The following TMCO5A variants were observed in gnomAD, a reference collection of about 807,000 sequenced individuals.
TMCO5A encodes transmembrane and coiled-coil domains 5A.
In TMCO5A, 34 loss-of-function variants were observed where a neutral mutation model predicts 42.3. The observed-to-expected ratio is 0.80, with a 90% CI of 0.61 to 1.07. The LOEUF (loss-of-function observed/expected upper bound fraction) is 1.07. TMCO5A is among the 50% of genes least tolerant of loss of function. The probability of loss-of-function intolerance (pLI) is 0.00; values close to 1 mark genes in which losing one functional copy is unlikely to be tolerated. For synonymous variants in TMCO5A, 131 were observed against 115.6 expected (o/e 1.13, Z -0.86); for missense variants, 357 against 327.9 (o/e 1.09, Z -0.69).
downstream of TMCO5A, among the ~76,000 whole-genome samples, chr15:37,969,381 C>T (rs932421584): frequency 1.3e-5 from 2 of 152,084 alleles, no homozygotes; most frequent in African/African-American, 4.8e-5. Flanking sequence ...CAGAGAAAAC[C>T]AAACCCTCTT....
downstream of TMCO5A, among the ~76,000 whole-genome samples, chr15:37,951,997 A>G (rs965349535): frequency 2.6e-5 from 4 of 152,130 alleles, no homozygotes; most frequent in Non-Finnish European, 5.9e-5. Flanking sequence ...GTGCTTCCCC[A>G]TTATAACAGA....
chr15:37,961,395 T>G (rs1890424399), intron 11 of TMCO5A, among the ~76,000 whole-genome samples: 1 of 152,180 alleles, frequency 6.6e-6, no homozygotes, highest in African/African-American at 2.4e-5. Context: ...GTTCCATTGG[T>G]CTATGTGCCT....
the TMCO5A span, among the ~76,000 whole-genome samples, chr15:37,973,157 CT>C: frequency 8.1e-3 from 1,130 of 139,674 alleles, 11 homozygotes; most frequent in South Asian, 0.048. Flanking sequence ...TCTTTTTTTC[CT>C]TTTTTTTTTT....
the TMCO5A span, among the ~76,000 whole-genome samples, chr15:37,999,106 G>A: frequency 0.02 from 3,102 of 152,120 alleles, 105 homozygotes; most frequent in African/African-American, 0.071. Flanking sequence ...GAGTTTCTCC[G>A]TGTTGGTCAG....
At chr15:37,983,492 T>C in the TMCO5A span, among the ~76,000 whole-genome samples, 2,134 of 152,196 alleles carry the variant, frequency 0.014, 43 homozygotes, top group African/African-American at 0.048. Flanking sequence ...CAGCCCAAGG[T>C]AGGGGAAAGT....
At chr15:38,003,254 T>TCTCTCTCTCTCTCTCTCTCTCCC in the TMCO5A span, among the ~76,000 whole-genome samples, 2 of 150,904 alleles carry the variant, frequency 1.3e-5, no homozygotes, top group African/African-American at 4.9e-5. Flanking sequence ...CTCTGTCTCC[T>TCTCTCTCTCTCTCTCTCTCTCCC]CCCATCACTC....
chr15:38,001,020 T>G, the TMCO5A span, among the ~76,000 whole-genome samples: 4 of 152,126 alleles, frequency 2.6e-5, no homozygotes, highest in African/African-American at 9.7e-5. Context: ...GTGCACTTGG[T>G]CTATAGTGCA....
the TMCO5A span, among the ~76,000 whole-genome samples, chr15:38,021,298 A>AGAGT: frequency 6.6e-6 from 1 of 152,232 alleles, no homozygotes; most frequent in Admixed American, 6.5e-5. Context: ...ATAACAAATG[A>AGAGT]GCACTAAGTT....
chr15:38,008,722 C>A, the TMCO5A span, among the ~76,000 whole-genome samples: 1 of 152,152 alleles, frequency 6.6e-6, no homozygotes, highest in African/African-American at 2.4e-5. Flanking sequence ...AATTTACCTC[C>A]AAATGAGGTT....
intron 11 of TMCO5A, among the ~76,000 whole-genome samples, chr15:37,963,662 C>T (rs745597251): frequency 2.6e-5 from 4 of 152,060 alleles, no homozygotes; most frequent in Non-Finnish European, 4.4e-5. Context: ...TGAAGTCCCC[C>T]ACTATTATCA....
chr15:37,935,047 A>G (rs1300489052), intron 1 of TMCO5A, among the ~76,000 whole-genome samples: 2 of 152,166 alleles, frequency 1.3e-5, no homozygotes, highest in African/African-American at 2.4e-5. Flanking sequence ...TTATCTCTGT[A>G]TCCTGACTGT....
chr15:37,966,746 G>A, exon 12 of TMCO5A: 1 of 701,770 alleles, frequency 1.4e-6, no homozygotes, highest in Non-Finnish European at 2.6e-6. Flanking sequence ...GTCCAGAAAA[G>A]GTCATAAACT....
Position 37,951,042 on chromosome 15 carries a change from T to C in TMCO5A, c.675T>C (p.Phe225=). 2 of 1,611,274 alleles carry C rather than the reference T, an allele frequency of 1.2e-6. No homozygotes were observed. The highest frequency in any genetic ancestry group is 1.7e-6 in the Non-Finnish European group (2 of 1,179,614). ...KTARLFSKKI[F]CCLFFITLFF... ...CATGGCATTCTCTTTTTAGGATTTTTTGCTGTCTCTTTTTCATCACCCTAT... is the reference window on the plus strand; with the variant it reads ...CATGGCATTCTCTTTTTAGGATTTTCTGCTGTCTCTTTTTCATCACCCTAT... Residue 225 remains phenylalanine, a synonymous_variant, in exon 12 of 12, where the codon TTT becomes TTC. Transcript: ENST00000319669.
At chr15:38,018,492 T>C in the TMCO5A span, among the ~76,000 whole-genome samples, 39 of 151,988 alleles carry the variant, frequency 2.6e-4, no homozygotes, top group African/African-American at 8.2e-4. Context: ...GGAGGCAAAA[T>C]AGTAGAATGA....
At chr15:37,945,933 G>C (rs912601478) in intron 10 of TMCO5A, among the ~76,000 whole-genome samples, 15 of 152,096 alleles carry the variant, frequency 9.9e-5, no homozygotes, top group African/African-American at 3.4e-4. Context: ...TTTTCATCAA[G>C]AAATCTTTGC....
chr15:37,952,676 C>A (rs1033724338), downstream of TMCO5A, among the ~76,000 whole-genome samples: 5 of 152,192 alleles, frequency 3.3e-5, no homozygotes. Context: ...ATTCCTTCTA[C>A]TTGAGAAAAA....
chr15:37,969,831 C>T (rs1404860646), downstream of TMCO5A, among the ~76,000 whole-genome samples: 1 of 152,190 alleles, frequency 6.6e-6, no homozygotes, highest in Non-Finnish European at 1.5e-5. Context: ...TGGCCTCAAA[C>T]TCCATTCATG....
At chr15:37,988,618 G>A in the TMCO5A span, among the ~76,000 whole-genome samples, 1 of 151,772 alleles carries the variant, frequency 6.6e-6, no homozygotes, top group Non-Finnish European at 1.5e-5. Context: ...CTGTAATTTT[G>A]CCTTTATTCT....
the TMCO5A span, among the ~76,000 whole-genome samples, chr15:37,973,608 A>G: frequency 6.6e-6 from 1 of 152,008 alleles, no homozygotes; most frequent in African/African-American, 2.4e-5. Context: ...ATTTTTGTGC[A>G]TTGATTTTGT....
Sources: allele counts gnomAD v4.1 joint callset (sites outside exome capture counted in the v4.1 genomes callset), GRCh38; gene constraint gnomAD v4.1.1; transcripts MANE v1.5; gene names NCBI Gene and HGNC (gene_info 2026-07-23, HGNC 2026-07-21).